Variants in RNF4 observed in about 807,000 individuals in gnomAD.
RNF4 encodes E3 ubiquitin-protein ligase RNF4.
In RNF4, 7 loss-of-function variants were observed where a neutral mutation model predicts 24.3. That is an observed-to-expected ratio of 0.29 (90% CI 0.16 to 0.54). The LOEUF is 0.54. Ranked by LOEUF, RNF4 falls within the 20% of genes least tolerant of loss-of-function variation. The pLI, the probability that RNF4 is intolerant of heterozygous loss-of-function variation, is 0.95. For missense variants in RNF4, 209 were observed against 248.5 expected (o/e 0.84, Z 1.07); for synonymous variants, 83 against 84.3 (o/e 0.98, Z 0.09).
chr4:2,502,093 C>T (rs1169817966), intron 4 of RNF4, among the ~76,000 whole-genome samples: 2 of 152,220 alleles, frequency 1.3e-5, no homozygotes, highest in Non-Finnish European at 2.9e-5. Context: ...GGTATATTAG[C>T]TGGCAGCTAC....
At chr4:2,491,654 C>T (rs1735582007) in intron 2 of RNF4, among the ~76,000 whole-genome samples, 1 of 152,128 alleles carries the variant, frequency 6.6e-6, no homozygotes, top group Admixed American at 6.5e-5. Context: ...GTTGGCCAGG[C>T]TGGTCTCAAA....
intron 4 of RNF4, among the ~76,000 whole-genome samples, chr4:2,501,897 G>C (rs954232270): frequency 1.3e-5 from 2 of 152,192 alleles, no homozygotes; most frequent in Non-Finnish European, 2.9e-5. Flanking sequence ...ATACTGAGAA[G>C]TTTCAAGACT....
intron 1 of RNF4, among the ~76,000 whole-genome samples, chr4:2,488,890 C>G (rs892028913): frequency 7.9e-5 from 12 of 151,972 alleles, no homozygotes; most frequent in African/African-American, 2.9e-4. Context: ...ATGATCTCGG[C>G]TCCTCTGCCT....
chr4:2,512,038 G>T lies in RNF4; in HGVS notation c.214+73G>T, dbSNP rs371694147. On this transcript the variant is annotated intron_variant, in intron 5 of 7. Transcript: ENST00000314289. This position sits in a 1 kb window ranked among gnomAD's most constrained non-coding sequence, Gnocchi z 4.1. The stretch of plus-strand genomic sequence containing the variant: ...CATAGGTGAGAGCCGCGGTGCTGCA[G>T]GTCTTGCCAGACCATCCCCAAGGGC... 228 of 1,447,288 alleles carry T rather than the reference G, an allele frequency of 1.6e-4. No homozygotes were observed. Among genetic ancestry groups the T allele is most frequent in the Non-Finnish European group, 2.1e-4 (216 of 1,047,366 alleles). The allele number at this position is 1,447,288 out of a possible 1,614,324, so 89.7% of individuals were successfully genotyped here. A position where few individuals can be genotyped will look rare whatever the true frequency, so the allele number is the denominator to read the frequency against.
At chr4:2,485,197 C>G (rs548109041) in intron 1 of RNF4, among the ~76,000 whole-genome samples, 1 of 152,324 alleles carries the variant, frequency 6.6e-6, no homozygotes, top group South Asian at 2.1e-4. Context: ...GCTGCTTCCA[C>G]TTGCTTAGGT....
intron 4 of RNF4, among the ~76,000 whole-genome samples, chr4:2,503,923 G>A (rs1186584804): frequency 6.6e-6 from 1 of 152,164 alleles, no homozygotes; most frequent in Non-Finnish European, 1.5e-5. Flanking sequence ...AGAGGTAGCC[G>A]TCAGAACATC....
intron 1 of RNF4, among the ~76,000 whole-genome samples, chr4:2,477,750 C>T (rs1735125366): frequency 6.6e-6 from 1 of 152,176 alleles, no homozygotes; most frequent in South Asian, 2.1e-4. Context: ...AAACTTCTTG[C>T]TTTTGTAAAT....
rs1736385940 is a variant in RNF4, at chr4:2,515,337, A to G, written c.*1518A>G. 1 of 152,608 alleles carries G rather than the reference A, an allele frequency of 6.6e-6. No homozygotes were observed. The allele number at this position is 152,608 out of a possible 1,614,324, so 9.5% of individuals were successfully genotyped here. ...GTTTTATTCTTCATTCTGACTTTTT[A>G]ACTGTTTGGCTCACTTCCAGTTAGT... is the stretch of plus-strand genomic sequence containing the variant. On this transcript the variant is annotated 3_prime_UTR_variant, in exon 8 of 8. Coordinates refer to ENST00000314289, the MANE Select transcript of RNF4 (RefSeq NM_002938.5).
chr4:2,496,935 G>T, intron 2 of RNF4, 72 bp from the exon 3 acceptor site: 1 of 1,086,854 alleles, frequency 9.2e-7, no homozygotes, highest in Admixed American at 2.4e-5. Flanking sequence ...CATTTCTATT[G>T]CCCATTTAGT....
chr4:2,471,609 CAGTT>C (rs1296906445), intron 1 of RNF4, among the ~76,000 whole-genome samples: 3 of 152,216 alleles, frequency 2.0e-5, no homozygotes, highest in African/African-American at 4.8e-5. Flanking sequence ...TGCTGAATGA[CAGTT>C]AGCCAAGTTG....
At chr4:2,498,923 G>A (rs969862279) in intron 3 of RNF4, among the ~76,000 whole-genome samples, 5 of 151,670 alleles carry the variant, frequency 3.3e-5, no homozygotes, top group East Asian at 2.0e-4. Flanking sequence ...TGGGTTGGGC[G>A]CCATGGCTGG....
At chr4:2,505,499 G>T (rs1469952650) in intron 4 of RNF4, 1 of 150,744 alleles carries the variant, frequency 6.6e-6, no homozygotes, top group Non-Finnish European at 1.5e-5. Context: ...CTAATTTTTT[G>T]TATTTTTAGT....
intron 2 of RNF4, among the ~76,000 whole-genome samples, chr4:2,492,913 G>C (rs1735623115): frequency 6.6e-6 from 1 of 152,220 alleles, no homozygotes; most frequent in Admixed American, 6.5e-5. Flanking sequence ...GTGCATGTGT[G>C]TGAAGAAATT....
At chr4:2,496,139 C>T (rs1487362411) in intron 2 of RNF4, among the ~76,000 whole-genome samples, 1 of 152,186 alleles carries the variant, frequency 6.6e-6, no homozygotes, top group East Asian at 1.9e-4. Context: ...AGGCTTAAAA[C>T]AGCTTTGGTT....
rs750599857 is a variant in RNF4 at position 2,500,715 on chromosome 4, C to T, written c.181C>T (p.Leu61=). 1 of 1,613,862 alleles carries T rather than the reference C, an allele frequency of 6.2e-7. No homozygotes were observed. The highest frequency in any genetic ancestry group is 2.2e-5 in the East Asian group (1 of 44,866). ...CESLEPVVVD[L]THNDSVVIVD... ...ATCTTTAGAGCCTGTGGTGGTTGAT[C>T]TGACTCACAATGACTCTGTTGTGGT... The change falls in exon 4 of 8, where the codon CTG becomes TTG. Residue 61 remains leucine, a synonymous_variant. Transcript: ENST00000314289.
At chr4:2,503,710 G>A (rs1735984415) in intron 4 of RNF4, among the ~76,000 whole-genome samples, 1 of 152,192 alleles carries the variant, frequency 6.6e-6, no homozygotes, top group Non-Finnish European at 1.5e-5. Context: ...TGAGGATAAG[G>A]GGCATCTGTA....
chr4:2,494,776 A>G (rs1367668572), intron 2 of RNF4: 1 of 152,600 alleles, frequency 6.6e-6, no homozygotes, highest in East Asian at 1.9e-4. Context: ...TTAAATAAGG[A>G]AGAGGAACAG....
rs1469499344 is a variant in RNF4, at chr4:2,497,175, C to T, written c.124+54C>T. 3 of 1,382,512 alleles carry T rather than the reference C, an allele frequency of 2.2e-6. No homozygotes were observed. The Admixed American group carries it at 6.0e-5, about 27-fold the overall frequency. 85.6% of individuals were successfully genotyped at this position (1,382,512 alleles called of 1,614,324 possible). On this transcript the variant is annotated intron_variant, in intron 3 of 7. Coordinates refer to ENST00000314289, the MANE Select transcript of RNF4 (RefSeq NM_002938.5). ...GGGGTGTTAAAGTGGAGAGAGAACA[C>T]TGTACCAGGGTGAGCTAGTAGAAGG... is the stretch of plus-strand genomic sequence containing the variant.
At chr4:2,492,964 G>T (rs1383661268) in intron 2 of RNF4, among the ~76,000 whole-genome samples, 2 of 152,232 alleles carry the variant, frequency 1.3e-5, no homozygotes, top group Non-Finnish European at 2.9e-5. Flanking sequence ...TATAGCTTAT[G>T]TGGTTGTGAT....
Sources: gnomAD v4.1 joint callset for allele counts (sites outside exome capture counted in the v4.1 genomes callset) on GRCh38, gnomAD v4.1.1 for gene constraint, Gnocchi (gnomAD v3.1) non-coding constraint, MANE v1.5 for transcripts, NCBI Gene and HGNC (gene_info 2026-07-23, HGNC 2026-07-21) for gene names.